Variants in TRAM1 observed in about 807,000 individuals in gnomAD.
TRAM1 encodes the protein translocating chain-associated membrane protein 1.
In TRAM1, 17 loss-of-function variants were observed where a neutral mutation model predicts 48.7. That is an observed-to-expected ratio of 0.35 (90% CI 0.24 to 0.52). The LOEUF (loss-of-function observed/expected upper bound fraction) is 0.52, where lower values mean the gene tolerates loss of function less well. Among genes scored for constraint, TRAM1 ranks in the 20% least tolerant of loss-of-function variants. The pLI, the probability that TRAM1 is intolerant of heterozygous loss-of-function variation, is 0.94. For missense variants in TRAM1, 351 were observed against 441.5 expected (o/e 0.79, Z 1.84); for synonymous variants, 182 against 154.0 (o/e 1.18, Z -1.34).
intron 4 of TRAM1, among the ~76,000 whole-genome samples, chr8:70,597,668 CAAAAAAAAAAAAA>C (rs35449323): frequency 5.6e-5 from 2 of 35,986 alleles, no homozygotes; most frequent in African/African-American, 2.3e-4. Flanking sequence ...GACTCTGTCT[CAAAAAAAAAAAAA>C]AAAAAAAAAA....
chr8:70,575,793 C>T (rs1816934051), intron 10 of TRAM1, among the ~76,000 whole-genome samples: 1 of 151,950 alleles, frequency 6.6e-6, no homozygotes, highest in Admixed American at 6.6e-5. Context: ...CTGTGAAATA[C>T]AGACTAAGCA....
At chr8:70,594,305 GTTTT>G (rs71560423) in intron 6 of TRAM1, among the ~76,000 whole-genome samples, 197 bp downstream of exon 6, 2 of 126,092 alleles carry the variant, frequency 1.6e-5, no homozygotes, top group South Asian at 5.0e-4. Flanking sequence ...CTGACTGAAG[GTTTT>G]TTTTTTTTTT....
intron 5 of TRAM1, among the ~76,000 whole-genome samples, chr8:70,595,988 T>C (rs1458125987): frequency 1.3e-5 from 2 of 151,926 alleles, no homozygotes; most frequent in Non-Finnish European, 2.9e-5. Flanking sequence ...GGAGAAAGTA[T>C]GAGTGAAAAG....
intron 10 of TRAM1, among the ~76,000 whole-genome samples, chr8:70,575,371 A>G (rs1816924545): frequency 1.3e-5 from 2 of 152,226 alleles, no homozygotes; most frequent in Non-Finnish European, 2.9e-5. Flanking sequence ...GTTGGTGTTT[A>G]GGATAATTTC....
chr8:70,596,677 A>G (rs533720152), intron 4 of TRAM1, among the ~76,000 whole-genome samples: 1 of 152,296 alleles, frequency 6.6e-6, no homozygotes, highest in African/African-American at 2.4e-5. Flanking sequence ...GGTAATCAGA[A>G]GATTTCAGGA....
At chr8:70,582,404 C>T (rs1665754595) in intron 10 of TRAM1, among the ~76,000 whole-genome samples, 1 of 151,182 alleles carries the variant, frequency 6.6e-6, no homozygotes, top group Non-Finnish European at 1.5e-5. Flanking sequence ...AAGTGATCCT[C>T]CTGCCTCAGC....
intron 1 of TRAM1, among the ~76,000 whole-genome samples, chr8:70,605,748 T>TATC (rs775010534): frequency 9.4e-4 from 143 of 152,320 alleles, no homozygotes; most frequent in East Asian, 3.9e-4. Context: ...CACTTTTGTG[T>TATC]ATCACTTTAA....
At chr8:70,575,689 G>A (rs1298419619) in intron 10 of TRAM1, among the ~76,000 whole-genome samples, 6 of 152,118 alleles carry the variant, frequency 3.9e-5, no homozygotes, top group Admixed American at 1.3e-4. Flanking sequence ...TGTTTGAGGC[G>A]GGGGCAATGG....
At chr8:70,586,125 G>T (rs1395629862) in intron 8 of TRAM1, among the ~76,000 whole-genome samples, 1 of 151,778 alleles carries the variant, frequency 6.6e-6, no homozygotes, top group Non-Finnish European at 1.5e-5. Context: ...CCTTTGCAGG[G>T]ACATGGATGA....
intron 6 of TRAM1, among the ~76,000 whole-genome samples, chr8:70,590,688 G>C (rs550322217): frequency 1.3e-5 from 2 of 152,198 alleles, no homozygotes; most frequent in Non-Finnish European, 2.9e-5. Context: ...ATAGTCAACC[G>C]AGTCAATAAT....
chr8:70,583,086 TAATA>T, intron 10 of TRAM1, 74 bp downstream of exon 10: 2 of 1,489,850 alleles, frequency 1.3e-6, no homozygotes, highest in African/African-American at 1.4e-5. Flanking sequence ...ACCTTAAAAC[TAATA>T]AATAAGATCC....
chr8:70,591,209 C>G (rs1347932841), intron 6 of TRAM1, among the ~76,000 whole-genome samples: 2 of 152,116 alleles, frequency 1.3e-5, no homozygotes, highest in African/African-American at 4.8e-5. Flanking sequence ...TGGAATCAAG[C>G]CATCCCCTTG....
intron 1 of TRAM1, 48 bp from the exon 2 acceptor site, chr8:70,600,130 C>A: frequency 6.7e-7 from 1 of 1,494,250 alleles, no homozygotes; most frequent in Non-Finnish European, 9.3e-7. Context: ...GACCCTCTCC[C>A]AAATAACAGA....
At position 70,598,652 on chromosome 8, in the gene TRAM1, C is replaced by A. The variant is rs115803160; in HGVS notation, c.188-397G>T. On this transcript the variant is annotated intron_variant, in intron 2 of 10. Coordinates refer to ENST00000262213, the MANE Select transcript of TRAM1 (RefSeq NM_014294.6). ...TCTACTTCTACTTTCTAACTACACA[C>A]TAAATTATGATTCTGATGAAAAAGC... Among the ~76,000 whole-genome samples the A allele has an allele frequency of 2.1e-3, 314 of 152,262 alleles. 2 individuals carry two copies. Among genetic ancestry groups the A allele is most frequent in the African/African-American group, 7.4e-3 (306 of 41,550 alleles).
At position 70,607,981 on chromosome 8, in the gene TRAM1, C is replaced by A. The variant is rs570194400; in HGVS notation, c.123+96G>T. On this transcript the variant is annotated intron_variant, in intron 1 of 10. Transcript: ENST00000262213. ...CTGCACCCACCCCGGGCCCGAGCCC[C>A]CCGCGTCCTGGGCGGAGAAGCCGGG... The A allele has an allele frequency of 6.8e-5, 96 of 1,416,978 alleles. No individual in the cohort carries two copies. In the African/African-American group the frequency reaches 1.2e-3, roughly 17 times the overall value. 87.8% of individuals were successfully genotyped at this position (1,416,978 alleles called of 1,614,324 possible). A position where few individuals can be genotyped will look rare whatever the true frequency, so the allele number is the denominator to read the frequency against.
At chr8:70,600,772 T>C (rs557309580) in intron 1 of TRAM1, among the ~76,000 whole-genome samples, 1 of 152,192 alleles carries the variant, frequency 6.6e-6, no homozygotes, top group African/African-American at 2.4e-5. Context: ...CTGTGGGTAC[T>C]TGGGATAAAC....
chr8:70,604,890 C>T (rs1469136344), intron 1 of TRAM1, among the ~76,000 whole-genome samples: 1 of 152,190 alleles, frequency 6.6e-6, no homozygotes, highest in African/African-American at 2.4e-5. Context: ...CCAAGCATCC[C>T]TAACATTTTT....
At chr8:70,587,387 G>A in intron 6 of TRAM1, 1 of 508,774 alleles carries the variant, frequency 2.0e-6, no homozygotes. Context: ...GAAAAATGTA[G>A]AAGTAGGAGA....
At chr8:70,580,124 C>T (rs569603281) in intron 10 of TRAM1, among the ~76,000 whole-genome samples, 52 of 152,254 alleles carry the variant, frequency 3.4e-4, no homozygotes, top group Non-Finnish European at 6.5e-4. Flanking sequence ...TCTTCCATTG[C>T]TTCTTGGCAT....
Sources: gnomAD v4.1 joint callset for allele counts (sites outside exome capture counted in the v4.1 genomes callset) on GRCh38, gnomAD v4.1.1 for gene constraint, MANE v1.5 for transcripts, NCBI Gene and HGNC (gene_info 2026-07-23, HGNC 2026-07-21) for gene names.